Variants in CFAP92 observed in about 807,000 individuals in gnomAD.
The protein encoded by CFAP92 is uncharacterized protein CFAP92.
In CFAP92, 86 loss-of-function variants were observed where a neutral mutation model predicts 106.3. That is an observed-to-expected ratio of 0.81 (90% CI 0.68 to 0.97). The LOEUF (loss-of-function observed/expected upper bound fraction) is 0.97. Ranked by LOEUF, CFAP92 falls within the 50% of genes least tolerant of loss-of-function variation. The pLI is 0.00. For missense variants in CFAP92, 1,204 were observed against 1,283.8 expected (o/e 0.94, Z 0.95); for synonymous variants, 477 against 506.4 (o/e 0.94, Z 0.78).
In CFAP92 at chr3:128,946,038, T is replaced by C. The variant is rs182160150; in HGVS notation, c.1354-63A>G. The C allele has an allele frequency of 2.7e-5, 34 of 1,246,086 alleles. No homozygotes were observed. In the Admixed American group the frequency reaches 1.0e-3, roughly 38 times the overall value. The allele number at this position is 1,246,086 out of a possible 1,614,324, so 77.2% of individuals were successfully genotyped here. A position where few individuals can be genotyped will look rare whatever the true frequency, so the allele number is the denominator to read the frequency against. Reference sequence around the variant, plus strand: ...CAAGGACAGTCACTCAGCCCCAGCATGAGGAGCTCAAATCCCAGTGCCAGG... The same window carrying C: ...CAAGGACAGTCACTCAGCCCCAGCACGAGGAGCTCAAATCCCAGTGCCAGG... On this transcript the variant is annotated intron_variant, in intron 9 of 15. Transcript: ENST00000645291.
At chr3:128,918,615 G>A (rs2107681706) in intron 12 of CFAP92, among the ~76,000 whole-genome samples, 1 of 152,332 alleles carries the variant, frequency 6.6e-6, no homozygotes, top group Admixed American at 6.5e-5. Context: ...AAATTTCAGA[G>A]CCTGGAATTG....
chr3:128,975,916 C>CA lies in CFAP92; in HGVS notation c.897-14dup, dbSNP rs756921016. On this transcript the variant is annotated splice_polypyrimidine_tract_variant and intron_variant, in intron 6 of 15. Coordinates refer to ENST00000645291, the MANE Select transcript of CFAP92 (RefSeq NM_001394090.1). ...TGAAACACTCCATCTAGAAAATTCACAAAGAGAAAAATTAATGAAGGTGAA... is the reference window on the plus strand; with the variant it reads ...TGAAACACTCCATCTAGAAAATTCACAAAAGAGAAAAATTAATGAAGGTGAA... 2.5e-6 allele frequency: 4 copies of CA among 1,590,692 alleles called. No individual in the cohort carries two copies. The Admixed American group carries it at 7.3e-5, about 29-fold the overall frequency.
intron 2 of CFAP92, among the ~76,000 whole-genome samples, chr3:128,990,999 G>A (rs1944177212): frequency 6.6e-6 from 1 of 152,222 alleles, no homozygotes; most frequent in African/African-American, 2.4e-5. Flanking sequence ...ATTTTATGTA[G>A]AGCCGAAGGT....
intron 9 of CFAP92, among the ~76,000 whole-genome samples, chr3:128,963,854 C>G (rs951385485): frequency 2.7e-5 from 4 of 150,906 alleles, no homozygotes; most frequent in African/African-American, 7.3e-5. Flanking sequence ...TATTCAGGCC[C>G]CCTCCCTTCC....
chr3:128,983,205 T>C (rs1253012602), intron 4 of CFAP92, among the ~76,000 whole-genome samples: 1 of 152,164 alleles, frequency 6.6e-6, no homozygotes, highest in East Asian at 1.9e-4. Context: ...CTCCTGGAGC[T>C]GCTGCCTCCA....
rs527393189 is a variant in CFAP92, at chr3:128,964,631, C to T, written c.1353+880G>A. ...TCTAATCAGATGTCCTAGGTCCTCC[C>T]AATTCTTAGACCTTTTATACCTGTT... On this transcript the variant is annotated intron_variant, in intron 9 of 15. Transcript: ENST00000645291. Among the ~76,000 whole-genome samples the T allele has an allele frequency of 1.4e-4, 22 of 152,328 alleles. No homozygotes were observed. The South Asian group carries it at 2.1e-3, about 14-fold the overall frequency.
chr3:128,977,900 G>A (rs531906975), intron 5 of CFAP92, 145 bp downstream of exon 5: 21 of 882,152 alleles, frequency 2.4e-5, no homozygotes, highest in South Asian at 1.5e-4. Context: ...CAATACAGCC[G>A]TGTGGCAGGG....
At chr3:128,911,802 C>T (rs1282902725) in intron 15 of CFAP92, among the ~76,000 whole-genome samples, 2 of 152,192 alleles carry the variant, frequency 1.3e-5, no homozygotes, top group Non-Finnish European at 2.9e-5. Flanking sequence ...TCTGGTTGTA[C>T]CTGATTCTGG....
At chr3:128,937,875 C>CA (rs1939208574) in intron 10 of CFAP92, among the ~76,000 whole-genome samples, 1 of 152,002 alleles carries the variant, frequency 6.6e-6, no homozygotes, top group Admixed American at 6.6e-5. Flanking sequence ...CCAGCCTTCC[C>CA]AACATGGCAA....
chr3:128,918,388 G>A (rs1302014889), intron 12 of CFAP92, among the ~76,000 whole-genome samples: 2 of 152,152 alleles, frequency 1.3e-5, no homozygotes, highest in African/African-American at 2.4e-5. Flanking sequence ...CAGGAGAATC[G>A]CTTGAATCCA....
upstream of CFAP92, chr3:129,003,944 C>G (rs756652417): frequency 1.1e-5 from 15 of 1,405,546 alleles, 1 homozygote; most frequent in South Asian, 2.2e-4. Context: ...CGAGGTGCGG[C>G]GGCGCGCGGA....
chr3:128,932,944 T>G lies in CFAP92; in HGVS notation c.2507A>C (p.Asp836Ala), dbSNP rs746959953. 3.3e-6 allele frequency: 5 copies of G among 1,535,968 alleles called. No homozygotes were observed. In the African/African-American group the frequency reaches 6.8e-5, roughly 21 times the overall value. The change falls in exon 12 of 16, where the codon GAC becomes GCC. Residue 836 changes from aspartate (D) to alanine (A), a missense_variant. Asp to Ala is a moderately radical substitution (Grantham distance 126). Coordinates refer to ENST00000645291, the MANE Select transcript of CFAP92 (RefSeq NM_001394090.1). ...STTLWDVTVR[D>A]LLPSSAMIKD... ...TATCATAGCAGAGGAGGGCAGCAGGTCCCTCACCGTCACGTCCCAGAGGGT... is the reference window on the plus strand; with the variant it reads ...TATCATAGCAGAGGAGGGCAGCAGGGCCCTCACCGTCACGTCCCAGAGGGT...
At position 128,971,521 on chromosome 3, in the gene CFAP92, G is replaced by T. The variant is rs1942795212; in HGVS notation, c.1022-88C>A. 4 of 1,085,294 alleles carry T rather than the reference G, an allele frequency of 3.7e-6. No individual in the cohort carries two copies. The East Asian group carries it at 1.0e-4, about 28-fold the overall frequency. The allele number at this position is 1,085,294 out of a possible 1,614,324, so 67.2% of individuals were successfully genotyped here. On this transcript the variant is annotated intron_variant, in intron 7 of 15. Transcript: ENST00000645291. ...GACCTGAACATGCTACAGAGATTCA[G>T]GAAGGTTCTGGAAGCTCCTAGAAGG...
chr3:128,910,350 T>C lies in CFAP92; in HGVS notation c.3281-17A>G, dbSNP rs1936137011. 6.8e-7 allele frequency: 1 copy of C among 1,468,048 alleles called. No individual in the cohort carries two copies. The highest frequency in any genetic ancestry group is 1.4e-5 in the African/African-American group (1 of 70,940). 90.9% of individuals were successfully genotyped at this position (1,468,048 alleles called of 1,614,324 possible). On this transcript the variant is annotated splice_polypyrimidine_tract_variant and intron_variant, in intron 15 of 15. Transcript: ENST00000645291. Reference sequence around the variant, plus strand: ...TCTTCCTGACTGAGAGAAGAGGGGGTGAGTGACAGGGGTTCCTGATCCCAG... The same window carrying C: ...TCTTCCTGACTGAGAGAAGAGGGGGCGAGTGACAGGGGTTCCTGATCCCAG...
At position 128,935,242 on chromosome 3, in the gene CFAP92, T is replaced by TC; in HGVS notation, c.2335dup (p.Asp779GlyfsTer30). 1.3e-6 allele frequency: 2 copies of TC among 1,535,834 alleles called. No individual in the cohort carries two copies. Among genetic ancestry groups the TC allele is most frequent in the African/African-American group, 2.7e-5 (2 of 73,130 alleles). ...CACGTGGTACAGGATGGCCTCCAGG[T>TC]CCCCATAGAGCCGGCTGCGGAACAG... is the stretch of plus-strand genomic sequence containing the variant. On this transcript the variant is annotated frameshift_variant, in exon 11 of 16. Coordinates refer to ENST00000645291, the MANE Select transcript of CFAP92 (RefSeq NM_001394090.1). LOFTEE classifies it high-confidence loss of function.
At chr3:128,974,694 G>A (rs1015045279) in intron 7 of CFAP92, among the ~76,000 whole-genome samples, 1 of 152,090 alleles carries the variant, frequency 6.6e-6, no homozygotes, top group Non-Finnish European at 1.5e-5. Context: ...GGTGGTGGAC[G>A]CCTGTAATCC....
intron 1 of CFAP92, chr3:128,993,652 C>G (rs1437710440): frequency 2.8e-6 from 1 of 356,390 alleles, no homozygotes; most frequent in Non-Finnish European, 5.4e-6. Context: ...CTCCCGGGAG[C>G]CACCAGGCGG....
chr3:129,024,323 G>C, the CFAP92 span, among the ~76,000 whole-genome samples: 2 of 152,126 alleles, frequency 1.3e-5, no homozygotes, highest in Non-Finnish European at 2.9e-5. Flanking sequence ...CTTGAGGCCA[G>C]GAGTTCAAGA....
In CFAP92 at chr3:128,971,355, G is replaced by A. The variant is rs768681386; in HGVS notation, c.1100C>T (p.Pro367Leu). The A allele has an allele frequency of 6.2e-7, 1 of 1,613,632 alleles. No individual in the cohort carries two copies. The highest frequency in any genetic ancestry group is 1.7e-5 in the Admixed American group (1 of 59,944). ...KKPLAEEEADPTLTGPRKQSA... is the reference protein window; with the variant it reads ...KKPLAEEEADLTLTGPRKQSA... ...CTGCTTCCTGGGGCCTGTCAGCGTG[G>A]GGTCTGCCTCTTCTTCTGCCAGGGG... The change falls in exon 8 of 16, where the codon CCC becomes CTC. Residue 367 changes from proline to leucine, a missense_variant. Pro to Leu is a moderately conservative substitution (Grantham distance 98). Coordinates refer to ENST00000645291, the MANE Select transcript of CFAP92 (RefSeq NM_001394090.1).
Sources: gnomAD v4.1 joint callset for allele counts (sites outside exome capture counted in the v4.1 genomes callset) on GRCh38, gnomAD v4.1.1 for gene constraint, MANE v1.5 for transcripts, NCBI Gene and HGNC (gene_info 2026-07-23, HGNC 2026-07-21) for gene names.